Variants in FRMD5 observed in about 807,000 individuals in gnomAD.
FRMD5 encodes FERM domain containing 5.
Under a neutral mutation model 69.0 loss-of-function variants are expected in FRMD5, and 20 were observed. That is an observed-to-expected ratio of 0.29 (90% CI 0.20 to 0.42). FRMD5 has a LOEUF of 0.42. Among genes scored for constraint, FRMD5 ranks in the 10% least tolerant of loss-of-function variants. The probability of loss-of-function intolerance (pLI) is 1.00; values close to 1 mark genes in which losing one functional copy is unlikely to be tolerated. For missense variants in FRMD5, 595 were observed against 708.6 expected, an observed-to-expected ratio of 0.84 and a Z score of 1.82; for synonymous variants, 271 against 260.1, an observed-to-expected ratio of 1.04 and a Z score of -0.40.
chr15:44,093,279 A>C (rs2076501331), intron 1 of FRMD5, among the ~76,000 whole-genome samples: 1 of 151,910 alleles, frequency 6.6e-6, no homozygotes. Flanking sequence ...ACTTGTATAC[A>C]TTAGATAGGG....
At chr15:44,116,538 A>G (rs911993460) in intron 1 of FRMD5, among the ~76,000 whole-genome samples, 13 of 152,208 alleles carry the variant, frequency 8.5e-5, no homozygotes, top group African/African-American at 3.1e-4. Context: ...GAAGATGTCA[A>G]GTAGACATGT....
intron 4 of FRMD5, among the ~76,000 whole-genome samples, chr15:43,912,863 CAAA>C (rs566290726): frequency 0.14 from 14,339 of 99,494 alleles, 1,096 homozygotes; most frequent in East Asian, 0.28. Flanking sequence ...ACTAAAAATA[CAAA>C]AAAAAAAAAA....
At chr15:44,109,906 T>C (rs1219711459) in intron 1 of FRMD5, among the ~76,000 whole-genome samples, 1 of 152,248 alleles carries the variant, frequency 6.6e-6, no homozygotes, top group East Asian at 1.9e-4. Context: ...TCATATAGTA[T>C]ACAACCTGAT....
chr15:44,114,603 C>T (rs1012031959), intron 1 of FRMD5, among the ~76,000 whole-genome samples: 1 of 152,154 alleles, frequency 6.6e-6, no homozygotes, highest in African/African-American at 2.4e-5. Flanking sequence ...TAACTGTTCT[C>T]ATTTTTTTGA....
intron 6 of FRMD5, among the ~76,000 whole-genome samples, chr15:43,903,057 C>T (rs2089084713): frequency 6.6e-6 from 1 of 152,230 alleles, no homozygotes; most frequent in South Asian, 2.1e-4. Context: ...GAGATCAGCT[C>T]CGGCTCCAGG....
chr15:44,103,588 T>C (rs1244537924), intron 1 of FRMD5, among the ~76,000 whole-genome samples: 1 of 152,230 alleles, frequency 6.6e-6, no homozygotes, highest in Non-Finnish European at 1.5e-5. Context: ...TGGGTTTTGG[T>C]ACATACATAA....
At chr15:43,909,797 C>T in intron 5 of FRMD5, 85 bp downstream of exon 5, 3 of 781,784 alleles carry the variant, frequency 3.8e-6, no homozygotes, top group Non-Finnish European at 6.4e-6. Flanking sequence ...TGTTTAGATT[C>T]AAGAAGGAGT....
At chr15:43,997,493 C>A (rs1889988768) in intron 1 of FRMD5, among the ~76,000 whole-genome samples, 2 of 152,208 alleles carry the variant, frequency 1.3e-5, no homozygotes, top group Admixed American at 1.3e-4. Flanking sequence ...CTTCAGGGTG[C>A]CTGCTGGCAA....
In FRMD5 at chr15:43,872,383, G is replaced by A. The variant is rs1248250421; in HGVS notation, c.*1502C>T. ...GTATCAGCAGCTGCTCTACTTTTGT[G>A]TGGGTCCAGGAATATGTCCATTGAC... On this transcript the variant is annotated 3_prime_UTR_variant, in exon 14 of 14. Transcript: ENST00000417257. 6.6e-6 allele frequency: 1 copy of A among 152,160 alleles called. No homozygotes were observed. The highest frequency in any genetic ancestry group is 1.5e-5 in the Non-Finnish European group (1 of 68,054). The allele number at this position is 152,160 out of a possible 1,614,324, so 9.4% of individuals were successfully genotyped here.
At chr15:44,074,497 AT>A (rs1003891192) in intron 1 of FRMD5, among the ~76,000 whole-genome samples, 8 of 149,460 alleles carry the variant, frequency 5.4e-5, no homozygotes, top group Non-Finnish European at 8.9e-5. Flanking sequence ...ACAGAGCTGA[AT>A]TTTTTTTTTG....
intron 1 of FRMD5, among the ~76,000 whole-genome samples, chr15:43,967,932 G>A (rs745780559): frequency 6.7e-6 from 1 of 149,628 alleles, no homozygotes; most frequent in Non-Finnish European, 1.5e-5. Context: ...CCAACCCCTC[G>A]ACAGGCCCTG....
chr15:43,902,140 G>A (rs1462044030), intron 7 of FRMD5, 35 bp downstream of exon 7: 2 of 1,510,780 alleles, frequency 1.3e-6, no homozygotes, highest in East Asian at 2.3e-5. Context: ...TCTAGAGGAG[G>A]AAAGGTCATG....
intron 12 of FRMD5, 82 bp downstream of exon 12, chr15:43,884,645 G>C: frequency 1.6e-6 from 2 of 1,274,950 alleles, no homozygotes; most frequent in Non-Finnish European, 2.3e-6. Context: ...TGGAGCCAGG[G>C]GCTTCACAGT....
At chr15:44,132,688 C>CA (rs534082299) in intron 1 of FRMD5, among the ~76,000 whole-genome samples, 11 of 152,210 alleles carry the variant, frequency 7.2e-5, no homozygotes, top group African/African-American at 2.6e-4. Context: ...CTCAGCCTCC[C>CA]AAAGTGCTGG....
At chr15:44,089,511 T>C (rs538298700) in intron 1 of FRMD5, among the ~76,000 whole-genome samples, 9 of 152,142 alleles carry the variant, frequency 5.9e-5, no homozygotes, top group African/African-American at 1.7e-4. Flanking sequence ...GAGACCAGCC[T>C]GGATAGCATG....
intron 1 of FRMD5, chr15:43,988,949 CAAACA>C: frequency 1.0e-5 from 6 of 590,908 alleles, no homozygotes; most frequent in Admixed American, 2.0e-5. Flanking sequence ...TGAGTCGAGC[CAAACA>C]AAACAAAACA....
At chr15:43,875,390 A>ATATATGTATG (rs1385798025) in intron 13 of FRMD5, among the ~76,000 whole-genome samples, 1 of 124,836 alleles carries the variant, frequency 8.0e-6, no homozygotes, top group East Asian at 2.6e-4. Context: ...ATATATATAT[A>ATATATGTATG]TATGTATGTA....
chr15:44,079,461 T>C (rs184344676), intron 1 of FRMD5, among the ~76,000 whole-genome samples: 8 of 152,184 alleles, frequency 5.3e-5, no homozygotes, highest in African/African-American at 1.9e-4. Flanking sequence ...AGTGGAAGGC[T>C]GAAGCAAGAT....
chr15:44,193,232 C>T (rs1353482689), intron 1 of FRMD5, among the ~76,000 whole-genome samples: 1 of 152,154 alleles, frequency 6.6e-6, no homozygotes, highest in African/African-American at 2.4e-5. Context: ...AAGTTAATGA[C>T]CTGCCTCGGA....
Sources: gnomAD v4.1 joint callset for allele counts (sites outside exome capture counted in the v4.1 genomes callset) on GRCh38, gnomAD v4.1.1 for gene constraint, MANE v1.5 for transcripts, NCBI Gene and HGNC (gene_info 2026-07-23, HGNC 2026-07-21) for gene names.